Variants in COX7B2 observed in about 807,000 individuals in gnomAD.
The protein encoded by COX7B2 is cytochrome c oxidase subunit 7B2, mitochondrial.
For missense variants in COX7B2, 109 were observed against 95.9 expected, an observed-to-expected ratio of 1.14 and a Z score of -0.57; for synonymous variants, 37 against 32.1, an observed-to-expected ratio of 1.15 and a Z score of -0.51.
chr4:46,821,167 C>G (rs1714255382), intron 2 of COX7B2, among the ~76,000 whole-genome samples: 1 of 152,064 alleles, frequency 6.6e-6, no homozygotes, highest in African/African-American at 2.4e-5. Context: ...TTATTTTTAA[C>G]AAGGTGTCAA....
chr4:46,748,920 G>A lies in COX7B2; in HGVS notation c.-49-13679C>T, dbSNP rs1165424921. On this transcript the variant is annotated intron_variant, in intron 2 of 2. Transcript: ENST00000355591. Reference sequence around the variant, plus strand: ...TCATGGGCAATTAGATGACTCCCACGTTATATCTGCATATATGAACTCTCT... The same window carrying A: ...TCATGGGCAATTAGATGACTCCCACATTATATCTGCATATATGAACTCTCT... 3.9e-5 allele frequency among the ~76,000 whole-genome samples: 6 copies of A among 152,168 alleles called. No individual in the cohort carries two copies. In the East Asian group the frequency reaches 5.8e-4, roughly 15 times the overall value.
chr4:46,785,875 G>T (rs1717729337), intron 2 of COX7B2, among the ~76,000 whole-genome samples: 1 of 151,120 alleles, frequency 6.6e-6, no homozygotes, highest in African/African-American at 2.4e-5. Flanking sequence ...CTCTTATGGG[G>T]AAAAAAAGGG....
At chr4:46,905,724 C>T (rs1720336495) in intron 1 of COX7B2, among the ~76,000 whole-genome samples, 1 of 151,464 alleles carries the variant, frequency 6.6e-6, no homozygotes, top group African/African-American at 2.4e-5. Flanking sequence ...CATTCCCTCT[C>T]TGAGCCCTCA....
At chr4:46,752,632 C>A (rs1008190432) in intron 2 of COX7B2, among the ~76,000 whole-genome samples, 6 of 152,012 alleles carry the variant, frequency 3.9e-5, no homozygotes, top group Non-Finnish European at 5.9e-5. Flanking sequence ...GCATAAAGGG[C>A]TGTTGAATTT....
intron 2 of COX7B2, among the ~76,000 whole-genome samples, chr4:46,785,935 G>A (rs1717733273): frequency 6.6e-6 from 1 of 152,130 alleles, no homozygotes; most frequent in African/African-American, 2.4e-5. Context: ...CTCAGGATTG[G>A]TAAGAAGAAT....
intron 1 of COX7B2, among the ~76,000 whole-genome samples, chr4:46,852,722 A>T (rs1224929404): frequency 6.6e-6 from 1 of 152,162 alleles, no homozygotes; most frequent in Non-Finnish European, 1.5e-5. Context: ...GAATATGAAA[A>T]ATCTGAGTCA....
rs367659526 is a variant in COX7B2 at position 46,869,957 on chromosome 4, C to G, written c.-104-24943G>C. On this transcript the variant is annotated intron_variant, in intron 1 of 2. Transcript: ENST00000355591. ...TGGGGAAGTTTTCATGAACCATATA[C>G]TGAAATATGTTTTCCAGGTTGTTTG... Among the ~76,000 whole-genome samples the G allele has an allele frequency of 2.6e-5, 4 of 152,092 alleles. No individual in the cohort carries two copies. The East Asian group carries it at 7.7e-4, about 29-fold the overall frequency.
chr4:46,823,244 C>T (rs1714432345), intron 2 of COX7B2, among the ~76,000 whole-genome samples: 1 of 151,898 alleles, frequency 6.6e-6, no homozygotes, highest in Non-Finnish European at 1.5e-5. Context: ...TTATCTTATA[C>T]AATAAAAGCC....
At position 46,846,470 on chromosome 4, in the gene COX7B2, T is replaced by C. The variant is rs143710657; in HGVS notation, c.-104-1456A>G. 7.7e-3 allele frequency among the ~76,000 whole-genome samples: 1,173 copies of C among 151,626 alleles called. 18 individuals carry two copies. Among genetic ancestry groups the C allele is most frequent in the African/African-American group, 0.027 (1,131 of 41,374 alleles). Reference sequence around the variant, plus strand: ...TAGATTGCAACAGCAAAAAGGTGAATAGGGTAGGACTCATCTGTAATGTTT... The same window carrying C: ...TAGATTGCAACAGCAAAAAGGTGAACAGGGTAGGACTCATCTGTAATGTTT... On this transcript the variant is annotated intron_variant, in intron 1 of 2. Transcript: ENST00000355591.
At chr4:46,879,238 C>G (rs890207365) in intron 1 of COX7B2, among the ~76,000 whole-genome samples, 1 of 152,046 alleles carries the variant, frequency 6.6e-6, no homozygotes, top group African/African-American at 2.4e-5. Context: ...AAGTGATCTC[C>G]TAACTCAGCC....
At chr4:46,898,489 C>G (rs1577713475) in intron 1 of COX7B2, among the ~76,000 whole-genome samples, 1 of 152,160 alleles carries the variant, frequency 6.6e-6, no homozygotes, top group African/African-American at 2.4e-5. Flanking sequence ...GTGATCATGG[C>G]TCACCGCAAC....
intron 2 of COX7B2, among the ~76,000 whole-genome samples, chr4:46,761,797 C>G (rs2109474995): frequency 1.3e-5 from 2 of 152,064 alleles, no homozygotes; most frequent in South Asian, 4.2e-4. Context: ...CAGGAGAAAT[C>G]AGAAATTCTA....
At chr4:46,745,064 A>G (rs142701246) in intron 2 of COX7B2, among the ~76,000 whole-genome samples, 1 of 152,166 alleles carries the variant, frequency 6.6e-6, no homozygotes, top group African/African-American at 2.4e-5. Context: ...ACATTTACCA[A>G]TTGTTTCCAT....
rs5858039 is a variant in COX7B2 at position 46,803,732 on chromosome 4, CTTTTTT to C, written c.-50+41222_-50+41227del. Among the ~76,000 whole-genome samples the C allele has an allele frequency of 9.8e-4, 121 of 123,260 alleles. 1 individual carries two copies. The highest frequency in any genetic ancestry group is 1.7e-3 in the Non-Finnish European group (99 of 59,242). The allele number at this position is 123,260 out of a possible 152,430, so 80.9% of individuals were successfully genotyped here. A position where few individuals can be genotyped will look rare whatever the true frequency, so the allele number is the denominator to read the frequency against. Reference sequence around the variant, plus strand: ...GCTTAAATTAAGCCTGGTTTACTTTCTTTTTTTTTTTTTTTTTTTTAACATTCCATG... The same window carrying C: ...GCTTAAATTAAGCCTGGTTTACTTTCTTTTTTTTTTTTTTAACATTCCATG... On this transcript the variant is annotated intron_variant, in intron 2 of 2. Transcript: ENST00000355591.
intron 2 of COX7B2, among the ~76,000 whole-genome samples, chr4:46,769,654 T>C (rs1222760298): frequency 2.0e-5 from 3 of 152,104 alleles, no homozygotes; most frequent in African/African-American, 7.2e-5. Flanking sequence ...AGGCAGCGAT[T>C]GCAGTGAGTC....
chr4:46,858,030 C>T (rs1411353457), intron 1 of COX7B2, among the ~76,000 whole-genome samples: 1 of 152,106 alleles, frequency 6.6e-6, no homozygotes, highest in Non-Finnish European at 1.5e-5. Context: ...AACTTTATTA[C>T]ATCCTGCCAC....
intron 2 of COX7B2, among the ~76,000 whole-genome samples, chr4:46,745,928 A>C (rs2109413903): frequency 6.6e-6 from 1 of 152,334 alleles, no homozygotes; most frequent in South Asian, 2.1e-4. Flanking sequence ...AAATTTCTTA[A>C]GTCTAAAAGG....
intron 2 of COX7B2, among the ~76,000 whole-genome samples, chr4:46,831,002 G>T (rs1715047442): frequency 6.6e-6 from 1 of 152,190 alleles, no homozygotes; most frequent in Non-Finnish European, 1.5e-5. Flanking sequence ...GATGGCTGAG[G>T]CCAGAGCCGG....
intron 2 of COX7B2, among the ~76,000 whole-genome samples, chr4:46,742,324 A>G (rs1482259383): frequency 6.6e-6 from 1 of 152,016 alleles, no homozygotes; most frequent in African/African-American, 2.4e-5. Flanking sequence ...GCAAAATAAG[A>G]AACAATAAAA....
Sources: gnomAD v4.1 joint callset for allele counts (sites outside exome capture counted in the v4.1 genomes callset) on GRCh38, gnomAD v4.1.1 for gene constraint, MANE v1.5 for transcripts, NCBI Gene and HGNC (gene_info 2026-07-23, HGNC 2026-07-21) for gene names.